The following EP400 variants were observed in gnomAD, a reference collection of about 807,000 sequenced individuals.
The protein encoded by EP400 is E1A-binding protein p400.
EP400 carries 105 observed loss-of-function variants against 354.1 expected under a neutral mutation model. That is an observed-to-expected ratio of 0.30 (90% CI 0.25 to 0.35). The LOEUF is 0.35. Ranked by LOEUF, EP400 falls within the 10% of genes least tolerant of loss-of-function variation. The probability of loss-of-function intolerance (pLI) is 1.00; values close to 1 mark genes in which losing one functional copy is unlikely to be tolerated. For synonymous variants in EP400, 1,646 were observed against 1,716.9 expected (o/e 0.96, Z 1.02); for missense variants, 3,280 against 4,121.0 (o/e 0.80, Z 5.59).
At chr12:131,995,352 T>A (rs902010705) in intron 12 of EP400, among the ~76,000 whole-genome samples, 3 of 151,242 alleles carry the variant, frequency 2.0e-5, no homozygotes, top group African/African-American at 7.3e-5. Context: ...GTGTGAGAAC[T>A]TCATACCAAC....
intron 43 of EP400, among the ~76,000 whole-genome samples, 178 bp downstream of exon 43, chr12:132,053,775 GT>G (rs1895389045): frequency 6.6e-6 from 1 of 152,242 alleles, no homozygotes; most frequent in African/African-American, 2.4e-5. Flanking sequence ...GGAATTGTGT[GT>G]TTTCACCTGG....
chr12:131,986,588 G>A lies in EP400; in HGVS notation c.2004G>A (p.Ser668=), dbSNP rs144446995. 2.7e-4 allele frequency: 428 copies of A among 1,613,884 alleles called. 3 individuals are homozygous for A. In the South Asian group the frequency reaches 3.6e-3, roughly 13 times the overall value. Residue 668 remains serine (S), a synonymous_variant, in exon 6 of 53, where the codon TCG becomes TCA. Transcript: ENST00000389561. ...GGCCTCTGCCCACCTCTTCTACCTC[G>A]TCCCTCGCGCCTGTGAGTGGCTCCG... ...CPRPLPTSST[S]SLAPVSGSGP...
intron 30 of EP400, among the ~76,000 whole-genome samples, chr12:132,033,289 C>T (rs1270146395): frequency 1.3e-5 from 2 of 152,116 alleles, no homozygotes; most frequent in Admixed American, 6.5e-5. Flanking sequence ...TGTCAAAACA[C>T]AATTGGGGGA....
intron 2 of EP400, among the ~76,000 whole-genome samples, chr12:131,968,834 A>G (rs1383000722): frequency 6.6e-6 from 1 of 152,154 alleles, no homozygotes. Context: ...TATAAGTAGT[A>G]CTTAAAAAAA....
chr12:132,051,542 G>T (rs1212071572), intron 41 of EP400, among the ~76,000 whole-genome samples: 1 of 152,174 alleles, frequency 6.6e-6, no homozygotes, highest in Non-Finnish European at 1.5e-5. Context: ...TCCCTGCCTG[G>T]CAGCCGAGGT....
Position 132,055,431 on chromosome 12 carries a change from ATGTGTGTGTGTGTGTGGTGTAGGGG to A in EP400, c.7884+240_7884+264del, listed in dbSNP as rs1265597029. On this transcript the variant is annotated intron_variant, in intron 45 of 52. Transcript: ENST00000389561. ...ATGAGGGATGAAAATGAGGTGGGGT[ATGTGTGTGTGTGTGTGGTGTAGGGG>A]TGTGTGTGTGTGTGTGTGAGGTGTA... 7.6e-5 allele frequency among the ~76,000 whole-genome samples: 11 copies of A among 144,446 alleles called. No homozygotes were observed. In the South Asian group the frequency reaches 9.0e-4, roughly 12 times the overall value. The allele number at this position is 144,446 out of a possible 152,430, so 94.8% of individuals were successfully genotyped here.
intron 50 of EP400, 118 bp from the exon 51 acceptor site, chr12:132,069,377 C>T (rs1357994190): frequency 1.4e-6 from 2 of 1,447,972 alleles, no homozygotes; most frequent in African/African-American, 2.8e-5. Flanking sequence ...CAGGGTTGGT[C>T]TGGGAGGTAG....
At chr12:131,977,101 G>A (rs756805212) in intron 2 of EP400, among the ~76,000 whole-genome samples, 10 of 152,010 alleles carry the variant, frequency 6.6e-5, no homozygotes, top group Admixed American at 1.3e-4. Context: ...TTCATCTAGA[G>A]TTTATGGTTA....
rs745555638 is a variant in EP400, at chr12:132,053,480, A to G, written c.7611A>G (p.Ala2537=). 9.8e-6 allele frequency: 15 copies of G among 1,526,982 alleles called. No homozygotes were observed. The East Asian group carries it at 3.0e-4, about 30-fold the overall frequency. 94.6% of individuals were successfully genotyped at this position (1,526,982 alleles called of 1,614,324 possible). Residue 2537 remains alanine (A), a synonymous_variant, in exon 43 of 53, where the codon GCA becomes GCG. Transcript: ENST00000389561. ...QPQAAGSQPP[A]GPPAVQPQPQ... ...AGGCAGCGGGCAGCCAGCCGCCAGC[A>G]GGGCCACCAGCTGTCCAGCCCCAAC...
rs117739120 is a variant in EP400 at position 132,006,777 on chromosome 12, A to G, written c.3204A>G (p.Lys1068=). The G allele has an allele frequency of 9.4e-3, 15,229 of 1,614,146 alleles. 448 individuals are homozygous for G. Among genetic ancestry groups the G allele is most frequent in the South Asian group, 0.082 (7,427 of 91,042 alleles). The change falls in exon 15 of 53, where the codon AAA becomes AAG. Residue 1068 remains lysine (K), a synonymous_variant. Coordinates refer to ENST00000389561, the MANE Select transcript of EP400 (RefSeq NM_015409.5). ...AGATTGGCCTGGACTGGCTGGCCAA[A>G]CTTTACAGGAAGAATCTCAATGGCA... ...YQKIGLDWLA[K]LYRKNLNGIL... is the part of the protein sequence containing the mutation.
rs1895336226 is a variant in EP400, at chr12:132,052,636, A to C, written c.7395-510A>C. 6.6e-6 allele frequency among the ~76,000 whole-genome samples: 1 copy of C among 152,186 alleles called. No homozygotes were observed. Among genetic ancestry groups the C allele is most frequent in the Admixed American group, 6.5e-5 (1 of 15,280 alleles). ...CTGGGACTCTAGCGTCTGGGAGCACAGACCCATCATTTGATTGATGTTGTC... is the reference window on the plus strand; with the variant it reads ...CTGGGACTCTAGCGTCTGGGAGCACCGACCCATCATTTGATTGATGTTGTC... On this transcript the variant is annotated intron_variant, in intron 41 of 52. Transcript: ENST00000389561. This position sits in a 1 kb window ranked among gnomAD's most constrained non-coding sequence, Gnocchi z 4.4.
chr12:131,987,938 C>T, intron 7 of EP400, 48 bp downstream of exon 7: 2 of 1,357,936 alleles, frequency 1.5e-6, no homozygotes, highest in Non-Finnish European at 2.0e-6. Context: ...TTGGTGGGGG[C>T]TTGAGTTTGC....
intron 19 of EP400, among the ~76,000 whole-genome samples, chr12:132,015,739 C>T (rs961535982): frequency 6.6e-6 from 1 of 152,138 alleles, no homozygotes; most frequent in Admixed American, 6.5e-5. Flanking sequence ...TCTTTCTTTC[C>T]GGGCCTGTGA....
In EP400 at chr12:132,027,488, G is replaced by T. The variant is rs1049840969; in HGVS notation, c.5066G>T (p.Gly1689Val). Reference protein sequence around the residue: ...AVNALAVGEPGTASKPASPIG... With the variant: ...AVNALAVGEPVTASKPASPIG... ...AATGCCTTGGCTGTAGGAGAACCCG[G>T]AACGGCCTCCAAACCAGCTTCTCCC... is the stretch of plus-strand genomic sequence containing the variant. Residue 1689 changes from glycine to valine, a missense_variant, in exon 26 of 53, where the codon GGA becomes GTA. Gly to Val is a moderately radical substitution (Grantham distance 109, BLOSUM62 -3). Transcript: ENST00000389561. The surrounding 1 kb of genome is among the most constrained non-coding windows in gnomAD (Gnocchi z 4.9). 2 of 1,613,908 alleles carry T rather than the reference G, an allele frequency of 1.2e-6. No individual in the cohort carries two copies. The highest frequency in any genetic ancestry group is 1.7e-6 in the Non-Finnish European group (2 of 1,179,976).
chr12:132,066,601 T>A, intron 48 of EP400, 173 bp from the exon 49 acceptor site: 1 of 674,386 alleles, frequency 1.5e-6, no homozygotes, highest in Non-Finnish European at 2.4e-6. Context: ...ACCTGTGACT[T>A]GACATTTCCC....
chr12:132,044,534 C>A, intron 35 of EP400, 137 bp from the exon 36 acceptor site: 1 of 1,216,908 alleles, frequency 8.2e-7, no homozygotes, highest in Non-Finnish European at 1.2e-6. Context: ...CTGATTAAAA[C>A]ATTTATAAGT....
intron 47 of EP400, 26 bp from the exon 48 acceptor site, chr12:132,064,642 G>C: frequency 6.2e-7 from 1 of 1,604,756 alleles, no homozygotes. Flanking sequence ...TAATGTTGAA[G>C]AGAAGATACT....
intron 19 of EP400, among the ~76,000 whole-genome samples, chr12:132,014,894 G>T (rs1893876351): frequency 6.6e-6 from 1 of 152,184 alleles, no homozygotes; most frequent in Non-Finnish European, 1.5e-5. Context: ...GAGACTAGGG[G>T]TGAGGCCATG....
chr12:132,056,042 G>A (rs1895500989), intron 45 of EP400, among the ~76,000 whole-genome samples: 2 of 151,894 alleles, frequency 1.3e-5, no homozygotes, highest in African/African-American at 4.8e-5. Flanking sequence ...TGTGGGAAGC[G>A]GTAGGTGCAG....
Sources: allele counts gnomAD v4.1 joint callset (sites outside exome capture counted in the v4.1 genomes callset), GRCh38; gene constraint gnomAD v4.1.1; non-coding constraint Gnocchi (gnomAD v3.1); transcripts MANE v1.5; gene names NCBI Gene and HGNC (gene_info 2026-07-23, HGNC 2026-07-21).